FBH1: variants seen among roughly 807,000 people sequenced by gnomAD.
The protein encoded by FBH1 is F-box DNA helicase 1.
Under a neutral mutation model 115.5 loss-of-function variants are expected in FBH1, and 43 were observed. The observed-to-expected ratio is 0.37, with a 90% CI of 0.29 to 0.48. The LOEUF (loss-of-function observed/expected upper bound fraction) is 0.48. Ranked by LOEUF, FBH1 falls within the 20% of genes least tolerant of loss-of-function variation. The probability of loss-of-function intolerance (pLI) is 0.99; values close to 1 mark genes in which losing one functional copy is unlikely to be tolerated. For missense variants in FBH1, 1,001 were observed against 1,337.3 expected, an observed-to-expected ratio of 0.75 and a Z score of 3.92; for synonymous variants, 524 against 507.8, an observed-to-expected ratio of 1.03 and a Z score of -0.43.
At chr10:5,894,353 T>G in intron 1 of FBH1, 1 of 1,569,048 alleles carries the variant, frequency 6.4e-7, no homozygotes, top group Non-Finnish European at 8.6e-7. Context: ...TAAAAAAATG[T>G]AATATGGAAA....
chr10:5,911,098 T>C lies in FBH1; in HGVS notation c.1181T>C (p.Met394Thr). The C allele has an allele frequency of 1.2e-6, 2 of 1,612,206 alleles. No individual in the cohort carries two copies. The highest frequency in any genetic ancestry group is 2.2e-5 in the East Asian group (1 of 44,800). ...LYCIAVLLYA[M>T]REKGINISNR... is the part of the protein sequence containing the mutation. ...TGCATAGCCGTGCTTCTCTACGCCA[T>C]GAGGGAGAAGGGGATTAACATCAGC... The change falls in exon 6 of 21, where the codon ATG (methionine) becomes ACG (threonine). Residue 394 changes from methionine (M) to threonine (T), a missense_variant. Transcript: ENST00000362091. The surrounding 1 kb of genome is among the most constrained non-coding windows in gnomAD (Gnocchi z 5.4).
Position 5,915,913 on chromosome 10 carries a change from C to A in FBH1, c.1566-321C>A, listed in dbSNP as rs978502794. The A allele has an allele frequency of 6.5e-6, 3 of 465,108 alleles. No homozygotes were observed. The highest frequency in any genetic ancestry group is 1.2e-5 in the Non-Finnish European group (3 of 258,324). 28.8% of individuals were successfully genotyped at this position (465,108 alleles called of 1,614,324 possible). ...GAGTGAGGAAGACTCAGCCGAGGCA[C>A]ACTTGACCCAGGTCTCCTGGATGTA... On this transcript the variant is annotated intron_variant, in intron 9 of 20. Coordinates refer to ENST00000362091, the MANE Select transcript of FBH1 (RefSeq NM_178150.3). This position sits in a 1 kb window ranked among gnomAD's most constrained non-coding sequence, Gnocchi z 5.2.
chr10:5,910,152 T>C lies in FBH1; in HGVS notation c.1021-786T>C, dbSNP rs951808695. ...CAAAAATTAGCCGAGCATGGTGGCA[T>C]GTGCCTGTAGTACTGGCTACTCTGG... On this transcript the variant is annotated intron_variant, in intron 5 of 20. Coordinates refer to ENST00000362091, the MANE Select transcript of FBH1 (RefSeq NM_178150.3). This position sits in a 1 kb window ranked among gnomAD's most constrained non-coding sequence, Gnocchi z 4.8. Among the ~76,000 whole-genome samples, 2 of 152,086 alleles carry C rather than the reference T, an allele frequency of 1.3e-5. No homozygotes were observed. The highest frequency in any genetic ancestry group is 1.3e-4 in the Admixed American group (2 of 15,254).
At position 5,914,691 on chromosome 10, in the gene FBH1, C is replaced by G. The variant is rs990301333; in HGVS notation, c.1396+422C>G. 3.3e-5 allele frequency among the ~76,000 whole-genome samples: 5 copies of G among 152,194 alleles called. No individual in the cohort carries two copies. Among genetic ancestry groups the G allele is most frequent in the African/African-American group, 1.2e-4 (5 of 41,444 alleles). ...TAACTTACATTCATAAATATATTAT[C>G]TACAAGTGTCCTGCCTCAGTCAGCC... On this transcript the variant is annotated intron_variant, in intron 8 of 20. Transcript: ENST00000362091. The surrounding 1 kb of genome is among the most constrained non-coding windows in gnomAD (Gnocchi z 5.2).
At chr10:5,902,881 G>T in intron 1 of FBH1, 139 bp from the exon 2 acceptor site, 1 of 647,420 alleles carries the variant, frequency 1.5e-6, no homozygotes, top group East Asian at 3.2e-5. Flanking sequence ...GGGGGGCAAG[G>T]GGAGGGGGGA....
At position 5,915,911 on chromosome 10, in the gene FBH1, C is replaced by T. The variant is rs968805424; in HGVS notation, c.1566-323C>T. 4 of 463,454 alleles carry T rather than the reference C, an allele frequency of 8.6e-6. No homozygotes were observed. Among genetic ancestry groups the T allele is most frequent in the Non-Finnish European group, 1.6e-5 (4 of 257,512 alleles). 28.7% of individuals were successfully genotyped at this position (463,454 alleles called of 1,614,324 possible). ...GGGAGTGAGGAAGACTCAGCCGAGGCACACTTGACCCAGGTCTCCTGGATG... is the reference window on the plus strand; with the variant it reads ...GGGAGTGAGGAAGACTCAGCCGAGGTACACTTGACCCAGGTCTCCTGGATG... On this transcript the variant is annotated intron_variant, in intron 9 of 20. Transcript: ENST00000362091. This position sits in a 1 kb window ranked among gnomAD's most constrained non-coding sequence, Gnocchi z 5.2.
chr10:5,917,350 C>A lies in FBH1; in HGVS notation c.1789-70C>A. The stretch of plus-strand genomic sequence containing the variant: ...GGCTCCACTGCTGTATGGGAGTTGA[C>A]AGTGTGACCGCAGGGTGCTGCCTTT... On this transcript the variant is annotated intron_variant, in intron 10 of 20. Transcript: ENST00000362091. The surrounding 1 kb of genome is among the most constrained non-coding windows in gnomAD (Gnocchi z 5.6). 7.7e-7 allele frequency: 1 copy of A among 1,294,272 alleles called. No homozygotes were observed. The highest frequency in any genetic ancestry group is 1.2e-5 in the South Asian group (1 of 81,014). The allele number at this position is 1,294,272 out of a possible 1,614,324, so 80.2% of individuals were successfully genotyped here.
Position 5,900,133 on chromosome 10 carries a change from A to G in FBH1, c.2-2887A>G, listed in dbSNP as rs1479301052. 1.3e-5 allele frequency among the ~76,000 whole-genome samples: 2 copies of G among 152,206 alleles called. No homozygotes were observed. The highest frequency in any genetic ancestry group is 6.5e-5 in the Admixed American group (1 of 15,292). ...TTGGCTGTATTTGGGCTGCTAATAC[A>G]CTTCCTGCTTTGCCATTAGGTGGCA... On this transcript the variant is annotated intron_variant, in intron 1 of 20. Coordinates refer to ENST00000362091, the MANE Select transcript of FBH1 (RefSeq NM_178150.3). This position sits in a 1 kb window ranked among gnomAD's most constrained non-coding sequence, Gnocchi z 4.2.
intron 1 of FBH1, among the ~76,000 whole-genome samples, chr10:5,892,732 A>C: frequency 6.6e-6 from 1 of 152,252 alleles, no homozygotes; most frequent in East Asian, 1.9e-4. Flanking sequence ...TTATTCCTTA[A>C]CATGGTTAAT....
At chr10:5,903,581 G>A (rs1050710154) in intron 2 of FBH1, among the ~76,000 whole-genome samples, 1 of 151,888 alleles carries the variant, frequency 6.6e-6, no homozygotes, top group African/African-American at 2.4e-5. Context: ...CACCCGCCTC[G>A]GCCTCCCAAA....
chr10:5,905,181 T>C (rs1376191425), intron 2 of FBH1: 2 of 152,252 alleles, frequency 1.3e-5, no homozygotes, highest in Non-Finnish European at 2.9e-5. Flanking sequence ...GTCCCGACTT[T>C]TTATTTTAAA....
At position 5,925,593 on chromosome 10, in the gene FBH1, T is replaced by C. The variant is rs1056338378; in HGVS notation, c.2722+101T>C. On this transcript the variant is annotated intron_variant, in intron 18 of 20. Coordinates refer to ENST00000362091, the MANE Select transcript of FBH1 (RefSeq NM_178150.3). The surrounding 1 kb of genome is among the most constrained non-coding windows in gnomAD (Gnocchi z 4.6). The stretch of plus-strand genomic sequence containing the variant: ...TTGTTGTTTGTTGGATGGTGTGGCC[T>C]CCTGGTAGGGCACTTCTGGAAAAAC... The C allele has an allele frequency of 1.2e-5, 18 of 1,518,302 alleles. No individual in the cohort carries two copies. The African/African-American group carries it at 2.4e-4, about 20-fold the overall frequency. The allele number at this position is 1,518,302 out of a possible 1,614,324, so 94.1% of individuals were successfully genotyped here. A position where few individuals can be genotyped will look rare whatever the true frequency, so the allele number is the denominator to read the frequency against.
In FBH1 at chr10:5,917,238, C is replaced by G; in HGVS notation, c.1789-182C>G. 1.6e-6 allele frequency: 1 copy of G among 606,180 alleles called. No individual in the cohort carries two copies. The highest frequency in any genetic ancestry group is 3.0e-6 in the Non-Finnish European group (1 of 335,238). The allele number at this position is 606,180 out of a possible 1,614,324, so 37.6% of individuals were successfully genotyped here. Reference sequence around the variant, plus strand: ...GGCCCGGCTGCTTCCTGTCTCAGCACTGGAGACCCTCTGGCGTGGAGAGGC... The same window carrying G: ...GGCCCGGCTGCTTCCTGTCTCAGCAGTGGAGACCCTCTGGCGTGGAGAGGC... On this transcript the variant is annotated intron_variant, in intron 10 of 20. Transcript: ENST00000362091. This position sits in a 1 kb window ranked among gnomAD's most constrained non-coding sequence, Gnocchi z 5.6.
chr10:5,922,651 CTGTTTTATGTGAG>C (rs1422823486), intron 15 of FBH1, among the ~76,000 whole-genome samples: 13 of 152,312 alleles, frequency 8.5e-5, no homozygotes, highest in Admixed American at 6.5e-4. Flanking sequence ...ATTTTGCCCG[CTGTTTTATGTGAG>C]TGTTTTATGT....
At chr10:5,894,037 T>C in intron 1 of FBH1, 1 of 985,368 alleles carries the variant, frequency 1.0e-6, no homozygotes, top group South Asian at 4.7e-5. Flanking sequence ...GAGTGCTGTC[T>C]CCAAGGGAGT....
Position 5,917,763 on chromosome 10 carries a change from T to C in FBH1, c.1963+87T>C. The C allele has an allele frequency of 1.0e-6, 1 of 998,888 alleles. No homozygotes were observed. Among genetic ancestry groups the C allele is most frequent in the Non-Finnish European group, 1.5e-6 (1 of 654,444 alleles). The allele number at this position is 998,888 out of a possible 1,614,324, so 61.9% of individuals were successfully genotyped here. ...AAGAGGACACCTGTGTGAACTAAGT[T>C]GATTATTATTATTTGTGATAAAGAA... On this transcript the variant is annotated intron_variant, in intron 12 of 20. Coordinates refer to ENST00000362091, the MANE Select transcript of FBH1 (RefSeq NM_178150.3). This position sits in a 1 kb window ranked among gnomAD's most constrained non-coding sequence, Gnocchi z 5.6.
At chr10:5,920,858 C>G (rs947387096) in intron 13 of FBH1, among the ~76,000 whole-genome samples, 14 of 152,292 alleles carry the variant, frequency 9.2e-5, no homozygotes, top group African/African-American at 3.4e-4. Context: ...TGAGGCAGGG[C>G]AGCACGGACA....
At position 5,914,318 on chromosome 10, in the gene FBH1, C is replaced by G; in HGVS notation, c.1396+49C>G. 1 of 1,506,710 alleles carries G rather than the reference C, an allele frequency of 6.6e-7. No homozygotes were observed. The highest frequency in any genetic ancestry group is 9.2e-7 in the Non-Finnish European group (1 of 1,081,994). 93.3% of individuals were successfully genotyped at this position (1,506,710 alleles called of 1,614,324 possible). On this transcript the variant is annotated intron_variant, in intron 8 of 20. Transcript: ENST00000362091. The surrounding 1 kb of genome is among the most constrained non-coding windows in gnomAD (Gnocchi z 5.2). ...ACGAGGTGGTGGTTTTCTGCCTTTT[C>G]TCCCTACATCCCCTTCCCGCTACCT...
chr10:5,898,362 C>G (rs1257741307), intron 1 of FBH1, among the ~76,000 whole-genome samples: 1 of 152,106 alleles, frequency 6.6e-6, no homozygotes, highest in Non-Finnish European at 1.5e-5. Context: ...GGCACTAATC[C>G]CATTTGTGGG....
Sources: allele counts gnomAD v4.1 joint callset (sites outside exome capture counted in the v4.1 genomes callset), GRCh38; gene constraint gnomAD v4.1.1; non-coding constraint Gnocchi (gnomAD v3.1); transcripts MANE v1.5; gene names NCBI Gene and HGNC (gene_info 2026-07-23, HGNC 2026-07-21).